The following NCKAP5 variants were observed in gnomAD, a reference collection of about 807,000 sequenced individuals.
The protein encoded by NCKAP5 is NCK associated protein 5.
A neutral mutation model predicts 167.0 loss-of-function variants in NCKAP5; 92 were observed. The ratio of observed to expected loss-of-function variants is 0.55; its 90% CI spans 0.47 to 0.66. The LOEUF (loss-of-function observed/expected upper bound fraction) is 0.66. Among genes scored for constraint, NCKAP5 ranks in the 30% least tolerant of loss-of-function variants. NCKAP5 has a pLI of 0.00. For synonymous variants in NCKAP5, 891 were observed against 877.4 expected (o/e 1.02, Z -0.27); for missense variants, 2,378 against 2,315.0 (o/e 1.03, Z -0.56).
chr2:133,204,972 A>G (rs2085878454), intron 5 of NCKAP5, among the ~76,000 whole-genome samples: 1 of 152,140 alleles, frequency 6.6e-6, no homozygotes, highest in Non-Finnish European at 1.5e-5. Context: ...GATAGCAATG[A>G]AATGGTATCA....
At chr2:132,827,561 AT>A (rs1487391723) in intron 11 of NCKAP5, among the ~76,000 whole-genome samples, 2 of 152,176 alleles carry the variant, frequency 1.3e-5, no homozygotes, top group Non-Finnish European at 2.9e-5. Context: ...CAACTTCCCT[AT>A]GGGGTGGATA....
chr2:132,947,137 A>T (rs1244538402), intron 8 of NCKAP5, among the ~76,000 whole-genome samples: 1 of 152,234 alleles, frequency 6.6e-6, no homozygotes, highest in African/African-American at 2.4e-5. Flanking sequence ...CAATCCTTGA[A>T]GAAAATTAAA....
intron 10 of NCKAP5, among the ~76,000 whole-genome samples, chr2:132,868,582 T>C (rs16842771): frequency 0.012 from 1,899 of 152,272 alleles, 66 homozygotes; most frequent in East Asian, 0.11. Context: ...TTTTAGACTT[T>C]TGTTAATGCT....
At position 132,783,666 on chromosome 2, in the gene NCKAP5, A is replaced by G. The variant is rs1273233635; in HGVS notation, c.3145T>C (p.Ser1049Pro). 1 of 1,613,268 alleles carries G rather than the reference A, an allele frequency of 6.2e-7. No individual in the cohort carries two copies. Among genetic ancestry groups the G allele is most frequent in the Admixed American group, 1.7e-5 (1 of 59,950 alleles). The change falls in exon 14 of 20, where the codon TCT (serine) becomes CCT (proline). Residue 1049 changes from serine to proline, a missense_variant. This residue lies in a region of NCKAP5 where 1,325 missense variants were observed against 1,274.5 expected (regional missense o/e 1.04). Transcript: ENST00000409261. ...GGGGTCCCAAGTGTTTGGCGAGGAG[A>G]GGTTTTGGGGACACCTCTCTTCGGA... ...VSPKRGVPKTSPRQTLGTPQR... is the reference protein window; with the variant it reads ...VSPKRGVPKTPPRQTLGTPQR...
At chr2:132,963,628 G>A (rs1021940990) in intron 8 of NCKAP5, 92 bp downstream of exon 8, 15 of 1,316,596 alleles carry the variant, frequency 1.1e-5, no homozygotes, top group Non-Finnish European at 1.6e-5. Flanking sequence ...ACTCAAAAGG[G>A]AAGATTTATA....
chr2:133,286,444 C>T (rs1017623384), intron 4 of NCKAP5, among the ~76,000 whole-genome samples: 1 of 152,180 alleles, frequency 6.6e-6, no homozygotes. Context: ...TTAAAACACT[C>T]TTTGCCCTTT....
Position 133,162,884 on chromosome 2 carries a change from C to G in NCKAP5, c.208-32773G>C, listed in dbSNP as rs77170077. 5.9e-3 allele frequency among the ~76,000 whole-genome samples: 900 copies of G among 152,106 alleles called. 15 individuals are homozygous for G. The highest frequency in any genetic ancestry group is 0.023 in the East Asian group (120 of 5,168). On this transcript the variant is annotated intron_variant, in intron 5 of 19. Transcript: ENST00000409261. ...AGAGTAAGATCCCCAAACAGTCATA[C>G]GTTATTTTTTTCCATGTGAGAAAAT...
chr2:133,529,100 G>A (rs1433124160), intron 2 of NCKAP5, among the ~76,000 whole-genome samples: 1 of 152,068 alleles, frequency 6.6e-6, no homozygotes, highest in African/African-American at 2.4e-5. Flanking sequence ...TACAGCCTTT[G>A]AAATGTTGTA....
intron 6 of NCKAP5, among the ~76,000 whole-genome samples, chr2:133,124,500 C>A (rs2082341809): frequency 6.6e-6 from 1 of 152,204 alleles, no homozygotes; most frequent in African/African-American, 2.4e-5. Flanking sequence ...TGTAGTATTA[C>A]TGTTGTCACT....
intron 3 of NCKAP5, among the ~76,000 whole-genome samples, chr2:133,425,495 T>A (rs946738969): frequency 1.3e-5 from 2 of 151,960 alleles, no homozygotes; most frequent in Non-Finnish European, 2.9e-5. Context: ...CAGGCCTAGA[T>A]AACACTGGAA....
At chr2:132,861,980 T>G (rs897911473) in intron 10 of NCKAP5, among the ~76,000 whole-genome samples, 2 of 152,232 alleles carry the variant, frequency 1.3e-5, no homozygotes, top group East Asian at 1.9e-4. Flanking sequence ...CTAAAGGGGA[T>G]GATGATGGCA....
chr2:133,304,738 T>C (rs542215076), intron 3 of NCKAP5, among the ~76,000 whole-genome samples: 19 of 152,378 alleles, frequency 1.2e-4, no homozygotes, highest in South Asian at 6.2e-4. Context: ...ATCTGTTAGA[T>C]GCGAAGAGCT....
chr2:133,004,970 T>C (rs1255147290), intron 6 of NCKAP5, among the ~76,000 whole-genome samples: 1 of 152,226 alleles, frequency 6.6e-6, no homozygotes, highest in Non-Finnish European at 1.5e-5. Flanking sequence ...TATGATTCTG[T>C]TCTGCCCAGC....
intron 6 of NCKAP5, among the ~76,000 whole-genome samples, chr2:133,100,577 C>A (rs1217262564): frequency 1.3e-5 from 2 of 151,972 alleles, no homozygotes; most frequent in East Asian, 3.9e-4. Context: ...GCACTCAAAT[C>A]AAAAAAGTAA....
chr2:133,617,694 G>A, the NCKAP5 span, among the ~76,000 whole-genome samples: 3 of 151,434 alleles, frequency 2.0e-5, no homozygotes, highest in Non-Finnish European at 2.9e-5. Flanking sequence ...CTCATGGGTA[G>A]GAAGAATCAA....
chr2:132,703,613 TTGC>T (rs200721403), intron 19 of NCKAP5, among the ~76,000 whole-genome samples: 2 of 152,030 alleles, frequency 1.3e-5, no homozygotes, highest in East Asian at 3.9e-4. Context: ...AGACTTGGAG[TTGC>T]TGTTGTTATT....
intron 1 of NCKAP5, among the ~76,000 whole-genome samples, chr2:133,560,083 A>C (rs1688050711): frequency 6.6e-6 from 1 of 152,216 alleles, no homozygotes. Context: ...AGGTACTCAC[A>C]CACTTATTGA....
intron 4 of NCKAP5, among the ~76,000 whole-genome samples, chr2:133,296,459 A>C (rs1019454201): frequency 3.9e-5 from 6 of 152,132 alleles, no homozygotes; most frequent in Non-Finnish European, 5.9e-5. Context: ...AGAATATCTT[A>C]AGTGAATACT....
intron 5 of NCKAP5, among the ~76,000 whole-genome samples, chr2:133,130,574 A>C (rs1480796955): frequency 2.0e-5 from 3 of 152,236 alleles, no homozygotes; most frequent in Non-Finnish European, 4.4e-5. Flanking sequence ...TAGAATGTGA[A>C]GCTGATGAGG....
Sources: allele counts gnomAD v4.1 joint callset (sites outside exome capture counted in the v4.1 genomes callset), GRCh38; gene constraint gnomAD v4.1.1; regional missense constraint gnomAD v4.1.1; transcripts MANE v1.5; gene names NCBI Gene and HGNC (gene_info 2026-07-23, HGNC 2026-07-21).